RHPN2: variants seen among roughly 807,000 people sequenced by gnomAD.
The protein encoded by RHPN2 is rhophilin-2.
Under a neutral mutation model 79.0 loss-of-function variants are expected in RHPN2, and 40 were observed. The observed-to-expected ratio is 0.51, with a 90% CI of 0.39 to 0.66. The LOEUF is 0.66. Among genes scored for constraint, RHPN2 ranks in the 30% least tolerant of loss-of-function variants. The probability of loss-of-function intolerance (pLI) is 0.00; values close to 1 mark genes in which losing one functional copy is unlikely to be tolerated. For missense variants in RHPN2, 686 were observed against 883.5 expected (o/e 0.78, Z 2.83); for synonymous variants, 285 against 363.5 (o/e 0.78, Z 2.46).
intron 1 of RHPN2, among the ~76,000 whole-genome samples, chr19:33,050,786 C>T (rs191426017): frequency 2.0e-5 from 3 of 152,288 alleles, no homozygotes; most frequent in East Asian, 3.9e-4. Flanking sequence ...TCAAGCGATT[C>T]TCCTGCCTCA....
At chr19:33,012,368 G>A (rs1971842215) in intron 5 of RHPN2, among the ~76,000 whole-genome samples, 1 of 151,996 alleles carries the variant, frequency 6.6e-6, no homozygotes, top group African/African-American at 2.4e-5. Flanking sequence ...GTAGAGACAG[G>A]GTTTCACCAT....
Position 33,024,989 on chromosome 19 carries a change from C to T in RHPN2, c.314+1515G>A, listed in dbSNP as rs530137614. 3.3e-5 allele frequency among the ~76,000 whole-genome samples: 5 copies of T among 152,050 alleles called. No individual in the cohort carries two copies. The East Asian group carries it at 7.8e-4, about 24-fold the overall frequency. On this transcript the variant is annotated intron_variant, in intron 3 of 14. Transcript: ENST00000254260. Reference sequence around the variant, plus strand: ...CTGGCCTTGAACTCCTGGGCTCAAGCGATCCCCCACCTCAGCCTCCTGAAG... The same window carrying T: ...CTGGCCTTGAACTCCTGGGCTCAAGTGATCCCCCACCTCAGCCTCCTGAAG...
chr19:33,028,024 G>A (rs1383384906), intron 2 of RHPN2, among the ~76,000 whole-genome samples: 1 of 151,818 alleles, frequency 6.6e-6, no homozygotes, highest in African/African-American at 2.4e-5. Flanking sequence ...TAGAAAGGAA[G>A]AAATAAAACT....
chr19:33,031,783 G>A (rs1311738332), intron 2 of RHPN2, among the ~76,000 whole-genome samples: 1 of 151,934 alleles, frequency 6.6e-6, no homozygotes, highest in Non-Finnish European at 1.5e-5. Context: ...ACGGGTTCCA[G>A]TGATTCTCCT....
At chr19:33,034,213 C>T in intron 2 of RHPN2, among the ~76,000 whole-genome samples, 1 of 151,890 alleles carries the variant, frequency 6.6e-6, no homozygotes, top group East Asian at 2.0e-4. Flanking sequence ...TGGCTCACGC[C>T]TGTAACCCCA....
intron 7 of RHPN2, among the ~76,000 whole-genome samples, chr19:33,004,561 A>G (rs1481074329): frequency 3.9e-5 from 6 of 152,046 alleles, no homozygotes; most frequent in South Asian, 2.1e-4. Flanking sequence ...AACTGGTTAA[A>G]ATAGTACATT....
intron 1 of RHPN2, among the ~76,000 whole-genome samples, chr19:33,048,032 C>T (rs1011951900): frequency 7.2e-5 from 11 of 152,234 alleles, no homozygotes; most frequent in African/African-American, 2.6e-4. Flanking sequence ...TTCCCTGTCT[C>T]GCAAGGACAC....
At chr19:33,010,336 G>A (rs190002957) in intron 6 of RHPN2, among the ~76,000 whole-genome samples, 58 of 151,474 alleles carry the variant, frequency 3.8e-4, no homozygotes, top group African/African-American at 1.4e-3. Flanking sequence ...CACTCCTAAC[G>A]ACACTCAGAG....
intron 7 of RHPN2, among the ~76,000 whole-genome samples, chr19:33,005,679 G>A (rs1291481812): frequency 1.3e-5 from 2 of 151,118 alleles, no homozygotes; most frequent in Non-Finnish European, 2.9e-5. Context: ...AGCTCCATGG[G>A]GGTTCCCTCA....
intron 2 of RHPN2, among the ~76,000 whole-genome samples, chr19:33,029,512 C>T (rs1416282033): frequency 2.4e-5 from 3 of 127,404 alleles, no homozygotes; most frequent in African/African-American, 6.2e-5. Flanking sequence ...GGCGACAGAG[C>T]GAGACTCTAT....
chr19:33,062,495 C>T (rs908243293), intron 1 of RHPN2, among the ~76,000 whole-genome samples: 5 of 148,762 alleles, frequency 3.4e-5, no homozygotes, highest in African/African-American at 5.0e-5. Flanking sequence ...TGTAGCCGGG[C>T]GCAGTGGCTT....
At chr19:33,047,562 G>C (rs966927151) in intron 1 of RHPN2, among the ~76,000 whole-genome samples, 1 of 152,116 alleles carries the variant, frequency 6.6e-6, no homozygotes, top group Non-Finnish European at 1.5e-5. Flanking sequence ...CGGTCTGGCG[G>C]GTAGTATTAC....
chr19:33,050,469 G>GT (rs1164915069), intron 1 of RHPN2, among the ~76,000 whole-genome samples: 2 of 151,948 alleles, frequency 1.3e-5, no homozygotes, highest in African/African-American at 4.8e-5. Context: ...ATAAACCTGC[G>GT]TAACCATCAC....
chr19:33,008,277 T>G, intron 6 of RHPN2, 97 bp from the exon 7 acceptor site: 1 of 1,205,446 alleles, frequency 8.3e-7, no homozygotes, highest in Non-Finnish European at 1.2e-6. Context: ...TAAGAGTCAA[T>G]ATCTCACTCT....
intron 3 of RHPN2, among the ~76,000 whole-genome samples, 157 bp downstream of exon 3, chr19:33,026,347 C>G (rs1253090124): frequency 6.6e-6 from 1 of 152,020 alleles, no homozygotes; most frequent in Non-Finnish European, 1.5e-5. Flanking sequence ...CAGTCTAGCA[C>G]CTCACTCAAC....
chr19:33,049,185 G>T (rs1470939266), intron 1 of RHPN2, among the ~76,000 whole-genome samples: 3 of 152,168 alleles, frequency 2.0e-5, no homozygotes, highest in Non-Finnish European at 4.4e-5. Flanking sequence ...GGGGCTGTGT[G>T]TGGAAACTTC....
At chr19:33,016,665 A>G (rs1009581241) in intron 4 of RHPN2, among the ~76,000 whole-genome samples, 1 of 152,152 alleles carries the variant, frequency 6.6e-6, no homozygotes, top group African/African-American at 2.4e-5. Context: ...TGGGCAACAG[A>G]GTGAGACTCC....
At chr19:33,064,602 G>T (rs1025170031) in intron 1 of RHPN2, among the ~76,000 whole-genome samples, 182 bp downstream of exon 1, 12 of 152,026 alleles carry the variant, frequency 7.9e-5, no homozygotes, top group African/African-American at 2.7e-4. Context: ...CCGGGACGCC[G>T]GGGACATCGC....
intron 1 of RHPN2, among the ~76,000 whole-genome samples, chr19:33,059,561 A>G (rs1419795829): frequency 6.6e-6 from 1 of 151,898 alleles, no homozygotes; most frequent in Non-Finnish European, 1.5e-5. Context: ...CGGCCTCCCA[A>G]AGTGCTGGGA....
Sources: allele counts gnomAD v4.1 joint callset (sites outside exome capture counted in the v4.1 genomes callset), GRCh38; gene constraint gnomAD v4.1.1; transcripts MANE v1.5; gene names NCBI Gene and HGNC (gene_info 2026-07-23, HGNC 2026-07-21).